MAPKAP1: variants seen among roughly 807,000 people sequenced by gnomAD.
The protein encoded by MAPKAP1 is target of rapamycin complex 2 subunit MAPKAP1.
MAPKAP1 carries 20 observed loss-of-function variants against 65.7 expected under a neutral mutation model. That is an observed-to-expected ratio of 0.30 (90% confidence interval 0.21 to 0.44). MAPKAP1 has a LOEUF of 0.44. Ranked by LOEUF, MAPKAP1 falls within the 20% of genes least tolerant of loss-of-function variation. The pLI, the probability that MAPKAP1 is intolerant of heterozygous loss-of-function variation, is 1.00. For synonymous variants in MAPKAP1, 222 were observed against 244.3 expected, an observed-to-expected ratio of 0.91 and a Z score of 0.85; for missense variants, 423 against 648.0, an observed-to-expected ratio of 0.65 and a Z score of 3.77.
chr9:125,496,280 G>A (rs1444610634), intron 8 of MAPKAP1, among the ~76,000 whole-genome samples: 4 of 152,166 alleles, frequency 2.6e-5, no homozygotes, highest in African/African-American at 9.7e-5. Flanking sequence ...CAGCAAACAG[G>A]GAGCTATTAT....
In MAPKAP1 at chr9:125,625,275, A is replaced by T. The variant is rs1335334324; in HGVS notation, c.498+32376T>A. On this transcript the variant is annotated intron_variant, in intron 4 of 11. Transcript: ENST00000265960. ...ATAAATAAAAAAAAAAAAAAAAAAAAAAAAACAAGGGAGAGAATTTACATT... is the reference window on the plus strand; with the variant it reads ...ATAAATAAAAAAAAAAAAAAAAAAATAAAAACAAGGGAGAGAATTTACATT... Among the ~76,000 whole-genome samples the T allele has an allele frequency of 6.8e-5, 10 of 147,776 alleles. 1 individual carries two copies. The highest frequency in any genetic ancestry group is 2.1e-4 in the South Asian group (1 of 4,670).
At chr9:125,441,357 T>TGTGG (rs1203711847) in intron 11 of MAPKAP1, among the ~76,000 whole-genome samples, 2 of 152,194 alleles carry the variant, frequency 1.3e-5, no homozygotes, top group African/African-American at 4.8e-5. Context: ...AAGTAGAGGC[T>TGTGG]CCACCCTTGT....
intron 9 of MAPKAP1, among the ~76,000 whole-genome samples, chr9:125,475,531 TGTAC>T (rs1854072667): frequency 6.6e-6 from 1 of 152,142 alleles, no homozygotes; most frequent in Non-Finnish European, 1.5e-5. Flanking sequence ...CAAGTCCGAG[TGTAC>T]CTGACTAGAC....
rs540688955 is a variant in MAPKAP1, at chr9:125,704,834, A to T, written c.-70+2137T>A. On this transcript the variant is annotated intron_variant, in intron 1 of 11. Transcript: ENST00000265960. The stretch of plus-strand genomic sequence containing the variant: ...ATAGCTATTTATTTCGGGGGACTTT[A>T]CCACGTACCAGGCCCTTTATCCCCA... Among the ~76,000 whole-genome samples the T allele has an allele frequency of 2.0e-5, 3 of 152,284 alleles. No homozygotes were observed. In the South Asian group the frequency reaches 6.2e-4, roughly 32 times the overall value.
intron 10 of MAPKAP1, among the ~76,000 whole-genome samples, chr9:125,445,627 C>T (rs534496794): frequency 9.2e-5 from 14 of 152,370 alleles, no homozygotes; most frequent in African/African-American, 3.1e-4. Context: ...CCAGACAGGT[C>T]AATCGGATTC....
rs1564610451 is a variant in MAPKAP1 at position 125,669,884 on chromosome 9, T to G, written c.283A>C (p.Lys95Gln). The change falls in exon 3 of 12, where the codon AAA becomes CAA. Residue 95 changes from lysine (K) to glutamine (Q), a missense_variant. By Grantham distance (53) the Lys-to-Gln change is moderately conservative (BLOSUM62 1). Transcript: ENST00000265960. ...NTAQRLERLR[K>Q]ERQNQIKCKN... ...CATTTGATCTGGTTTTGTCTCTCTTTTCGGAGTCGTTCTAATCTTTGAGCT... is the reference window on the plus strand; with the variant it reads ...CATTTGATCTGGTTTTGTCTCTCTTGTCGGAGTCGTTCTAATCTTTGAGCT... 1 of 1,596,724 alleles carries G rather than the reference T, an allele frequency of 6.3e-7. No individual in the cohort carries two copies. The highest frequency in any genetic ancestry group is 8.5e-7 in the Non-Finnish European group (1 of 1,169,906).
intron 1 of MAPKAP1, among the ~76,000 whole-genome samples, chr9:125,699,199 T>C (rs1835523045): frequency 2.0e-5 from 3 of 152,132 alleles, no homozygotes; most frequent in African/African-American, 7.2e-5. Flanking sequence ...CTGAAGGTAA[T>C]TTTATACTAA....
rs1044199278 is a variant in MAPKAP1, at chr9:125,645,736, C to CAA, written c.498+11913_498+11914dup. Among the ~76,000 whole-genome samples the CAA allele has an allele frequency of 7.2e-3, 389 of 53,718 alleles. 3 individuals are homozygous for CAA. Among genetic ancestry groups the CAA allele is most frequent in the African/African-American group, 0.021 (336 of 16,140 alleles). The allele number at this position is 53,718 out of a possible 152,430, so 35.2% of individuals were successfully genotyped here. A position where few individuals can be genotyped will look rare whatever the true frequency, so the allele number is the denominator to read the frequency against. ...TGCGTGATGGAGCAAGACTCTGTCT[C>CAA]AAAAAAAAAAAAAAAAAAAAAAGTA... On this transcript the variant is annotated intron_variant, in intron 4 of 11. Transcript: ENST00000265960.
At chr9:125,577,328 ACC>A (rs1217650731) in intron 5 of MAPKAP1, among the ~76,000 whole-genome samples, 1 of 145,548 alleles carries the variant, frequency 6.9e-6, no homozygotes, top group Non-Finnish European at 1.5e-5. Flanking sequence ...CCCGGCAGCC[ACC>A]CCGTCTGGTA....
chr9:125,441,933 G>A (rs995010100), intron 11 of MAPKAP1, among the ~76,000 whole-genome samples: 2 of 151,996 alleles, frequency 1.3e-5, no homozygotes, highest in African/African-American at 4.8e-5. Flanking sequence ...TTCGAGACCA[G>A]CCTGGCCAAT....
chr9:125,610,162 CATG>C (rs1832557127), intron 4 of MAPKAP1, among the ~76,000 whole-genome samples: 1 of 152,040 alleles, frequency 6.6e-6, no homozygotes, highest in Non-Finnish European at 1.5e-5. Context: ...AATAAAGAGC[CATG>C]ATATGTGTAA....
chr9:125,659,050 C>T (rs1028053596), intron 3 of MAPKAP1, among the ~76,000 whole-genome samples: 11 of 152,068 alleles, frequency 7.2e-5, no homozygotes, highest in African/African-American at 2.7e-4. Flanking sequence ...AGGAGTTCGA[C>T]ATAATCAACA....
chr9:125,470,465 A>G (rs936361539), intron 9 of MAPKAP1, among the ~76,000 whole-genome samples: 3 of 152,218 alleles, frequency 2.0e-5, no homozygotes. Context: ...AGCCTACTTC[A>G]CAAAGCAGGA....
chr9:125,572,410 T>G (rs1442374757), intron 5 of MAPKAP1, among the ~76,000 whole-genome samples: 1 of 152,240 alleles, frequency 6.6e-6, no homozygotes, highest in Non-Finnish European at 1.5e-5. Context: ...TTGCTGCACT[T>G]TATACAAATA....
At chr9:125,690,106 T>C (rs1481203204) in intron 1 of MAPKAP1, among the ~76,000 whole-genome samples, 2 of 152,064 alleles carry the variant, frequency 1.3e-5, no homozygotes, top group Admixed American at 6.6e-5. Context: ...CAATGTACTA[T>C]GGAGACACAA....
intron 6 of MAPKAP1, among the ~76,000 whole-genome samples, chr9:125,545,097 T>C (rs1010966334): frequency 4.6e-5 from 7 of 152,234 alleles, no homozygotes; most frequent in African/African-American, 1.4e-4. Flanking sequence ...GCCTGAGAAC[T>C]GTCAAGCTAA....
At chr9:125,693,861 A>ATG (rs1835305391) in intron 1 of MAPKAP1, among the ~76,000 whole-genome samples, 1 of 150,814 alleles carries the variant, frequency 6.6e-6, no homozygotes, top group African/African-American at 2.5e-5. Context: ...ACACACACAC[A>ATG]CACACACACA....
intron 4 of MAPKAP1, among the ~76,000 whole-genome samples, chr9:125,621,201 G>A (rs1475409269): frequency 6.6e-6 from 1 of 152,076 alleles, no homozygotes; most frequent in African/African-American, 2.4e-5. Flanking sequence ...GAGCCTGTGA[G>A]GTTGAGGCTG....
At chr9:125,509,773 C>G (rs1056233290) in intron 7 of MAPKAP1, among the ~76,000 whole-genome samples, 1 of 152,078 alleles carries the variant, frequency 6.6e-6, no homozygotes, top group Admixed American at 6.6e-5. Context: ...AATTTCAGGC[C>G]GGTCTCCTTT....
Sources: allele counts gnomAD v4.1 joint callset (sites outside exome capture counted in the v4.1 genomes callset), GRCh38; gene constraint gnomAD v4.1.1; transcripts MANE v1.5; gene names NCBI Gene and HGNC (gene_info 2026-07-23, HGNC 2026-07-21).